SCAF4: variants seen among roughly 807,000 people sequenced by gnomAD.
The protein encoded by SCAF4 is SR-related and CTD-associated factor 4.
In SCAF4, 25 loss-of-function variants were observed where a neutral mutation model predicts 129.8. The observed-to-expected ratio is 0.19, with a 90% CI of 0.14 to 0.27. The LOEUF is 0.27. Ranked by LOEUF, SCAF4 falls within the 10% of genes least tolerant of loss-of-function variation. The pLI, the probability that SCAF4 is intolerant of heterozygous loss-of-function variation, is 1.00. For synonymous variants in SCAF4, 551 were observed against 497.7 expected, an observed-to-expected ratio of 1.11 and a Z score of -1.43; for missense variants, 1,246 against 1,457.1, an observed-to-expected ratio of 0.86 and a Z score of 2.36.
At chr21:31,691,386 C>G (rs2050256004) in intron 14 of SCAF4, among the ~76,000 whole-genome samples, 1 of 152,146 alleles carries the variant, frequency 6.6e-6, no homozygotes, top group Admixed American at 6.5e-5. Context: ...TGAAGAAACA[C>G]TGACTTTAGC....
In SCAF4 at chr21:31,696,637, T is replaced by C. The variant is rs781373271; in HGVS notation, c.891A>G (p.Ala297=). 4.3e-6 allele frequency: 7 copies of C among 1,613,482 alleles called. No individual in the cohort carries two copies. Among genetic ancestry groups the C allele is most frequent in the Non-Finnish European group, 5.1e-6 (6 of 1,179,918 alleles). Residue 297 remains alanine (A), a synonymous_variant, in exon 8 of 20, where the codon GCA becomes GCG. Coordinates refer to ENST00000286835, the MANE Select transcript of SCAF4 (RefSeq NM_020706.2). ...TTAPAAAVPP[A]PTATVPAAAA... Reference sequence around the variant, plus strand: ...CAGCAGCAGGCACGGTGGCGGTGGGTGCAGGGGGTACTGCGGCAGCAGGTG... The same window carrying C: ...CAGCAGCAGGCACGGTGGCGGTGGGCGCAGGGGGTACTGCGGCAGCAGGTG...
At chr21:31,694,398 C>A in intron 10 of SCAF4, 109 bp from the exon 11 acceptor site, 1 of 679,726 alleles carries the variant, frequency 1.5e-6, no homozygotes. Flanking sequence ...AAGCAATTCT[C>A]TTTTGGTTGC....
Position 31,688,114 on chromosome 21 carries a change from C to CAAAAAAAAAAAAAAAAAA in SCAF4, c.2043+175_2043+192dup, listed in dbSNP as rs61592268. ...TGGGCAACAAAGAGAGACTCTGTCT[C>CAAAAAAAAAAAAAAAAAA]AAAAAAAAAAAAAAAAAAAAAAAAA... On this transcript the variant is annotated intron_variant, in intron 16 of 19. Coordinates refer to ENST00000286835, the MANE Select transcript of SCAF4 (RefSeq NM_020706.2). Among the ~76,000 whole-genome samples, 3 of 10,908 alleles carry CAAAAAAAAAAAAAAAAAA rather than the reference C, an allele frequency of 2.8e-4. 1 individual carries two copies. Among genetic ancestry groups the CAAAAAAAAAAAAAAAAAA allele is most frequent in the East Asian group, 0.014 (2 of 138 alleles). The allele number at this position is 10,908 out of a possible 152,430, so 7.2% of individuals were successfully genotyped here.
chr21:31,671,555 G>C lies in SCAF4; in HGVS notation c.3288C>G (p.Pro1096=), dbSNP rs1249526317. 1.2e-6 allele frequency: 2 copies of C among 1,614,008 alleles called. No homozygotes were observed. The highest frequency in any genetic ancestry group is 1.3e-5 in the African/African-American group (1 of 74,916). The change falls in exon 20 of 20, where the codon CCC becomes CCG. Residue 1096 remains proline, a synonymous_variant. Coordinates refer to ENST00000286835, the MANE Select transcript of SCAF4 (RefSeq NM_020706.2). ...RAGGNKTVEP[P]ISQVGNVDTA... is the part of the protein sequence containing the mutation. The stretch of plus-strand genomic sequence containing the variant: ...TGTCTACATTTCCCACTTGGCTAAT[G>C]GGAGGTTCAACGGTTTTGTTACCAC...
intron 1 of SCAF4, among the ~76,000 whole-genome samples, chr21:31,724,161 T>C (rs1044840710): frequency 6.6e-6 from 1 of 152,096 alleles, no homozygotes; most frequent in Non-Finnish European, 1.5e-5. Flanking sequence ...CAGGGTATAA[T>C]AAATTATAAT....
rs2050511242 is a variant in SCAF4 at position 31,700,832 on chromosome 21, A to T, written c.777+163T>A. The T allele has an allele frequency of 1.7e-5, 14 of 848,392 alleles. No homozygotes were observed. The East Asian group carries it at 3.2e-4, about 19-fold the overall frequency. 52.6% of individuals were successfully genotyped at this position (848,392 alleles called of 1,614,324 possible). ...TTTGCACTGAGCACATATCACATTT[A>T]AAACCAGGGAAAATAATCGATGTTT... is the stretch of plus-strand genomic sequence containing the variant. On this transcript the variant is annotated intron_variant, in intron 7 of 19. Transcript: ENST00000286835.
chr21:31,731,729 G>T lies in SCAF4; in HGVS notation c.-37C>A. 2 of 1,571,156 alleles carry T rather than the reference G, an allele frequency of 1.3e-6. No individual in the cohort carries two copies. Among genetic ancestry groups the T allele is most frequent in the Non-Finnish European group, 1.7e-6 (2 of 1,165,700 alleles). Reference sequence around the variant, plus strand: ...GGCGGCGGCTGCTCCGGGCCCGCCGGTCACATAGACCTCGCGCCGCGGCGG... The same window carrying T: ...GGCGGCGGCTGCTCCGGGCCCGCCGTTCACATAGACCTCGCGCCGCGGCGG... On this transcript the variant is annotated 5_prime_UTR_variant, in exon 1 of 20. Transcript: ENST00000286835.
chr21:31,710,229 G>A (rs2050767514), intron 1 of SCAF4, among the ~76,000 whole-genome samples: 1 of 152,066 alleles, frequency 6.6e-6, no homozygotes. Flanking sequence ...GGATTAGAAG[G>A]AGCCTGGAGT....
chr21:31,721,734 T>TC (rs1240863733), intron 1 of SCAF4, among the ~76,000 whole-genome samples: 1 of 151,012 alleles, frequency 6.6e-6, no homozygotes, highest in African/African-American at 2.4e-5. Flanking sequence ...TCTTTTTTTT[T>TC]TTTTTTTTTT....
At chr21:31,727,927 C>T (rs1031631992) in intron 1 of SCAF4, among the ~76,000 whole-genome samples, 23 of 192 alleles carry the variant, frequency 0.12, no homozygotes, top group Non-Finnish European at 0.17. Context: ...TTTCACTACC[C>T]TTTTCAATCT....
At chr21:31,688,275 TTA>T in intron 16 of SCAF4, 30 bp downstream of exon 16, 1 of 1,597,482 alleles carries the variant, frequency 6.3e-7, no homozygotes, top group Middle Eastern at 1.7e-4. Flanking sequence ...TTTCAGGCAC[TTA>T]AAGTTTAAGT....
intron 2 of SCAF4, 45 bp from the exon 3 acceptor site, chr21:31,705,512 T>C (rs777912018): frequency 2.3e-6 from 2 of 859,276 alleles, no homozygotes; most frequent in Middle Eastern, 2.6e-4. Flanking sequence ...TACTTATTTC[T>C]ACATTTCCTA....
At chr21:31,705,619 A>T in intron 2 of SCAF4, 152 bp from the exon 3 acceptor site, 1 of 341,506 alleles carries the variant, frequency 2.9e-6, no homozygotes, top group Non-Finnish European at 5.4e-6. Flanking sequence ...ATTTAATATT[A>T]AAAAACTCAG....
intron 7 of SCAF4, 39 bp downstream of exon 7, chr21:31,700,956 G>A (rs775901186): frequency 5.1e-6 from 8 of 1,576,596 alleles, no homozygotes; most frequent in Non-Finnish European, 7.0e-6. Context: ...CAAGTTGAGT[G>A]ATATAAATGG....
chr21:31,726,353 T>C (rs1213111463), intron 1 of SCAF4, among the ~76,000 whole-genome samples: 1 of 152,160 alleles, frequency 6.6e-6, no homozygotes, highest in Non-Finnish European at 1.5e-5. Flanking sequence ...CGGTGGCCCT[T>C]AACCTTTAAG....
intron 1 of SCAF4, among the ~76,000 whole-genome samples, chr21:31,720,022 T>C (rs1465649103): frequency 6.6e-6 from 1 of 152,208 alleles, no homozygotes; most frequent in Non-Finnish European, 1.5e-5. Flanking sequence ...GAGGTGATTT[T>C]AGGAAATGCC....
Position 31,672,274 on chromosome 21 carries a change from T to C in SCAF4, c.2569A>G (p.Ile857Val). ...ATTCCTGGAGGGCGCTGGAGTGGGA[T>C]GAGACCGGGCCGGGCGCCAAGAAGA... ...TGLLGARPGLIPLQRPPGMPP... is the reference protein window; with the variant it reads ...TGLLGARPGLVPLQRPPGMPP... The change falls in exon 20 of 20, where the codon ATC becomes GTC. Residue 857 changes from isoleucine to valine, a missense_variant. Physicochemically the swap from Ile to Val is conservative, Grantham distance 29. Around this residue, in one of 6 missense-constraint regions of SCAF4, gnomAD observed 468 missense variants for 605.5 expected, o/e 0.77. Transcript: ENST00000286835. 1 of 1,613,894 alleles carries C rather than the reference T, an allele frequency of 6.2e-7. No individual in the cohort carries two copies. The highest frequency in any genetic ancestry group is 8.5e-7 in the Non-Finnish European group (1 of 1,179,968).
At position 31,671,418 on chromosome 21, in the gene SCAF4, G is replaced by C; in HGVS notation, c.3425C>G (p.Ala1142Gly). 6.2e-7 allele frequency: 1 copy of C among 1,613,734 alleles called. No homozygotes were observed. Among genetic ancestry groups the C allele is most frequent in the South Asian group, 1.1e-5 (1 of 91,064 alleles). ...SVEPEKDSGS[A>G]AEAPR ...CAGTCTCTAACGAGGAGCCTCTGCTGCTGAGCCAGAATCCTTTTCGGGTTC... is the reference window on the plus strand; with the variant it reads ...CAGTCTCTAACGAGGAGCCTCTGCTCCTGAGCCAGAATCCTTTTCGGGTTC... The change falls in exon 20 of 20, where the codon GCA (alanine) becomes GGA (glycine). Residue 1142 changes from alanine (A) to glycine (G), a missense_variant. Ala to Gly is a moderately conservative substitution (Grantham distance 60). Coordinates refer to ENST00000286835, the MANE Select transcript of SCAF4 (RefSeq NM_020706.2).
rs754699914 is a variant in SCAF4, at chr21:31,671,788, G to A, written c.3055C>T (p.Arg1019Cys). The A allele has an allele frequency of 3.1e-6, 5 of 1,613,942 alleles. No individual in the cohort carries two copies. The highest frequency in any genetic ancestry group is 4.2e-6 in the Non-Finnish European group (5 of 1,179,898). Residue 1019 changes from arginine to cysteine, a missense_variant, in exon 20 of 20, where the codon CGT (arginine) becomes TGT (cysteine). This residue lies in a region of SCAF4 where 339 missense variants were observed against 325.0 expected (regional missense o/e 1.04). Transcript: ENST00000286835. The stretch of plus-strand genomic sequence containing the variant: ...TTACTATTATCTCTATCATCATTAC[G>A]GTTCCCATACCGTTCCCGGTCATTT... ...VENDRERYGN[R>C]NDDRDNSNRD...
Sources: gnomAD v4.1 joint callset for allele counts (sites outside exome capture counted in the v4.1 genomes callset) on GRCh38, gnomAD v4.1.1 for gene constraint, gnomAD v4.1.1 regional missense constraint, MANE v1.5 for transcripts, NCBI Gene and HGNC (gene_info 2026-07-23, HGNC 2026-07-21) for gene names.